Variants in PDE3B observed in about 807,000 individuals in gnomAD.
The protein encoded by PDE3B is cGMP-inhibited 3',5'-cyclic phosphodiesterase 3B.
A neutral mutation model predicts 116.8 loss-of-function variants in PDE3B; 66 were observed. The observed-to-expected ratio is 0.56, with a 90% CI of 0.46 to 0.69. The LOEUF (loss-of-function observed/expected upper bound fraction) is 0.69, where lower values mean the gene tolerates loss of function less well. Ranked by LOEUF, PDE3B falls within the 30% of genes least tolerant of loss-of-function variation. The pLI, the probability that PDE3B is intolerant of heterozygous loss-of-function variation, is 0.00. For synonymous variants in PDE3B, 595 were observed against 533.6 expected, an observed-to-expected ratio of 1.12 and a Z score of -1.59; for missense variants, 1,384 against 1,368.1, an observed-to-expected ratio of 1.01 and a Z score of -0.18.
chr11:14,776,642 T>C lies in PDE3B; in HGVS notation c.1029+4655T>C, dbSNP rs542312357. ...TAAAACTTAAAGTATAATTAAAAAATAATAATAATAATAGTAATAATAAAA... is the reference window on the plus strand; with the variant it reads ...TAAAACTTAAAGTATAATTAAAAAACAATAATAATAATAGTAATAATAAAA... On this transcript the variant is annotated intron_variant, in intron 2 of 15. Coordinates refer to ENST00000282096, the MANE Select transcript of PDE3B (RefSeq NM_000922.4). 2.7e-4 allele frequency: 40 copies of C among 148,488 alleles called. 1 individual carries two copies. The highest frequency in any genetic ancestry group is 1.0e-4 in the Non-Finnish European group (7 of 67,034). The allele number at this position is 148,488 out of a possible 1,614,324, so 9.2% of individuals were successfully genotyped here.
At chr11:14,846,943 T>C (rs923831160) in intron 12 of PDE3B, among the ~76,000 whole-genome samples, 6 of 151,988 alleles carry the variant, frequency 3.9e-5, no homozygotes, top group Non-Finnish European at 7.4e-5. Flanking sequence ...AGACAGAAAG[T>C]TAACAAGGAT....
intron 12 of PDE3B, among the ~76,000 whole-genome samples, chr11:14,851,474 C>G (rs1847751600): frequency 6.7e-6 from 1 of 150,326 alleles, no homozygotes; most frequent in African/African-American, 2.5e-5. Flanking sequence ...ATGTAGGGAA[C>G]TATGAATATG....
intron 4 of PDE3B, 47 bp downstream of exon 4, chr11:14,789,289 C>G: frequency 1.4e-6 from 2 of 1,461,238 alleles, no homozygotes; most frequent in Non-Finnish European, 1.9e-6. Flanking sequence ...AATGCATCTA[C>G]TTTGTTTCTG....
chr11:14,892,246 A>T, the PDE3B span: 4 of 1,570,574 alleles, frequency 2.5e-6, no homozygotes, highest in Non-Finnish European at 3.5e-6. Context: ...CAGCCCTGAG[A>T]CCCAGGCACT....
intron 1 of PDE3B, among the ~76,000 whole-genome samples, chr11:14,672,029 AT>A (rs57168133): frequency 0.43 from 56,225 of 130,110 alleles, 12,017 homozygotes; most frequent in African/African-American, 0.48. Context: ...AAAAAAAAAA[AT>A]ATATATATAT....
At chr11:14,829,230 T>C (rs1215856214) in intron 7 of PDE3B, among the ~76,000 whole-genome samples, 1 of 151,810 alleles carries the variant, frequency 6.6e-6, no homozygotes, top group Non-Finnish European at 1.5e-5. Flanking sequence ...AGTAATGAAA[T>C]AACCTGTACA....
chr11:14,863,117 T>C (rs1847980678), intron 14 of PDE3B, among the ~76,000 whole-genome samples: 1 of 152,104 alleles, frequency 6.6e-6, no homozygotes, highest in Non-Finnish European at 1.5e-5. Flanking sequence ...CTCCCACTTA[T>C]GAGTGAGAAC....
At chr11:14,680,501 G>C (rs1303163887) in intron 1 of PDE3B, among the ~76,000 whole-genome samples, 1 of 152,086 alleles carries the variant, frequency 6.6e-6, no homozygotes, top group South Asian at 2.1e-4. Context: ...AACTACTGGG[G>C]CAAACAAAAG....
At chr11:14,896,404 G>T in the PDE3B span, among the ~76,000 whole-genome samples, 1 of 152,144 alleles carries the variant, frequency 6.6e-6, no homozygotes, top group Admixed American at 6.6e-5. Context: ...GGAATATAAT[G>T]GTGAGCAAAA....
chr11:14,799,757 C>CTTTTTTTTTTTTTTTTTTTTTTTTT (rs60506229), intron 4 of PDE3B, among the ~76,000 whole-genome samples: 1 of 108,036 alleles, frequency 9.3e-6, no homozygotes, highest in African/African-American at 3.6e-5. Context: ...CAACTCCTGC[C>CTTTTTTTTTTTTTTTTTTTTTTTTT]TTTTTTTTTT....
At chr11:14,803,891 G>C in intron 4 of PDE3B, 53 bp from the exon 5 acceptor site, 1 of 1,006,110 alleles carries the variant, frequency 9.9e-7, no homozygotes, top group Non-Finnish European at 1.6e-6. Flanking sequence ...GAGGAAAAAA[G>C]GTGAAACTTT....
chr11:14,712,466 G>GTTT lies in PDE3B; in HGVS notation c.979-59447_979-59445dup, dbSNP rs58004646. Among the ~76,000 whole-genome samples, 161 of 76,308 alleles carry GTTT rather than the reference G, an allele frequency of 2.1e-3. 33 individuals are homozygous for GTTT. Among genetic ancestry groups the GTTT allele is most frequent in the Middle Eastern group, 8.6e-3 (1 of 116 alleles). The allele number at this position is 76,308 out of a possible 152,430, so 50.1% of individuals were successfully genotyped here. A position where few individuals can be genotyped will look rare whatever the true frequency, so the allele number is the denominator to read the frequency against. Reference sequence around the variant, plus strand: ...GTAGTTTATTTGGACGTACAAGCTTGTTTTTTTTTTTTTTTTTTTTTTTTT... The same window carrying GTTT: ...GTAGTTTATTTGGACGTACAAGCTTGTTTTTTTTTTTTTTTTTTTTTTTTTTTT... On this transcript the variant is annotated intron_variant, in intron 1 of 15. Transcript: ENST00000282096.
chr11:14,698,369 T>G (rs1044782519), intron 1 of PDE3B, among the ~76,000 whole-genome samples: 2 of 151,970 alleles, frequency 1.3e-5, no homozygotes, highest in Non-Finnish European at 2.9e-5. Context: ...TAATTTCTTT[T>G]TAAAGATGGG....
chr11:14,713,723 C>G (rs983043877), intron 1 of PDE3B, among the ~76,000 whole-genome samples: 1 of 151,916 alleles, frequency 6.6e-6, no homozygotes, highest in Non-Finnish European at 1.5e-5. Context: ...CACACACACA[C>G]ACACTCACAC....
At chr11:14,837,917 G>C (rs1860103520) in intron 11 of PDE3B, among the ~76,000 whole-genome samples, 1 of 152,034 alleles carries the variant, frequency 6.6e-6, no homozygotes, top group African/African-American at 2.4e-5. Context: ...ATTAATGGTT[G>C]GAGAACCAGG....
intron 5 of PDE3B, among the ~76,000 whole-genome samples, chr11:14,815,304 A>G (rs1859288247): frequency 6.6e-6 from 1 of 152,156 alleles, no homozygotes; most frequent in South Asian, 2.1e-4. Context: ...GCAAGAGTCC[A>G]CACACAGCTG....
At chr11:14,711,999 A>G (rs1855717807) in intron 1 of PDE3B, among the ~76,000 whole-genome samples, 1 of 152,226 alleles carries the variant, frequency 6.6e-6, no homozygotes, top group Admixed American at 6.5e-5. Context: ...AGAAGCTAAG[A>G]AAAAATTTAG....
intron 3 of PDE3B, among the ~76,000 whole-genome samples, chr11:14,788,702 A>G (rs571724596): frequency 3.3e-5 from 5 of 152,104 alleles, no homozygotes; most frequent in South Asian, 4.1e-4. Flanking sequence ...AGTAAATTCT[A>G]TAGCACTGTA....
At chr11:14,725,018 A>T (rs1455454625) in intron 1 of PDE3B, among the ~76,000 whole-genome samples, 2 of 152,252 alleles carry the variant, frequency 1.3e-5, no homozygotes, top group African/African-American at 4.8e-5. Context: ...AATACTTTAG[A>T]TAGGTACAGG....
Sources: allele counts gnomAD v4.1 joint callset (sites outside exome capture counted in the v4.1 genomes callset), GRCh38; gene constraint gnomAD v4.1.1; transcripts MANE v1.5; gene names NCBI Gene and HGNC (gene_info 2026-07-23, HGNC 2026-07-21).